Variants in GRM8 observed in about 807,000 individuals in gnomAD.
GRM8 encodes glutamate metabotropic receptor 8.
Under a neutral mutation model 87.2 loss-of-function variants are expected in GRM8, and 47 were observed. The ratio of observed to expected loss-of-function variants is 0.54; its 90% CI spans 0.43 to 0.69. The LOEUF (loss-of-function observed/expected upper bound fraction) is 0.69, where lower values mean the gene tolerates loss of function less well. GRM8 is among the 30% of genes least tolerant of loss of function. The pLI is 0.00. For synonymous variants in GRM8, 396 were observed against 404.5 expected, an observed-to-expected ratio of 0.98 and a Z score of 0.25; for missense variants, 1,019 against 1,139.2, an observed-to-expected ratio of 0.89 and a Z score of 1.52.
chr7:127,074,141 T>A (rs1822020066), intron 3 of GRM8, among the ~76,000 whole-genome samples: 1 of 152,204 alleles, frequency 6.6e-6, no homozygotes, highest in Non-Finnish European at 1.5e-5. Flanking sequence ...CCTGAATTAA[T>A]CTGATATTCC....
intron 6 of GRM8, among the ~76,000 whole-genome samples, chr7:126,861,713 T>C (rs1798154559): frequency 1.3e-5 from 2 of 152,180 alleles, no homozygotes; most frequent in Non-Finnish European, 2.9e-5. Flanking sequence ...AAACTCCTTG[T>C]TCCCATTCTT....
chr7:126,709,141 C>CA (rs1234902174), intron 7 of GRM8, among the ~76,000 whole-genome samples: 6 of 151,592 alleles, frequency 4.0e-5, no homozygotes, highest in Non-Finnish European at 8.8e-5. Flanking sequence ...GACGTATTTC[C>CA]AAAGAAAATA....
chr7:126,667,023 G>A (rs1254809714), intron 7 of GRM8, among the ~76,000 whole-genome samples: 1 of 152,018 alleles, frequency 6.6e-6, no homozygotes, highest in Non-Finnish European at 1.5e-5. Flanking sequence ...CTCAAGGTTT[G>A]GAGTAAAGGA....
At chr7:126,546,080 G>A (rs117890525) in intron 8 of GRM8, among the ~76,000 whole-genome samples, 3 of 152,050 alleles carry the variant, frequency 2.0e-5, no homozygotes, top group African/African-American at 7.3e-5. Flanking sequence ...ATTTTCAGTG[G>A]CAAGCTATTT....
intron 3 of GRM8, among the ~76,000 whole-genome samples, chr7:127,099,169 A>T (rs907784442): frequency 2.0e-5 from 3 of 152,222 alleles, no homozygotes; most frequent in African/African-American, 7.2e-5. Context: ...ATGAGTGAAT[A>T]TTATTAACTC....
intron 8 of GRM8, among the ~76,000 whole-genome samples, chr7:126,607,381 G>A (rs1798463251): frequency 1.3e-5 from 2 of 152,198 alleles, no homozygotes; most frequent in African/African-American, 2.4e-5. Flanking sequence ...ATTTCTCATC[G>A]TCTAATTTTC....
At chr7:126,833,942 A>G (rs904736737) in intron 6 of GRM8, among the ~76,000 whole-genome samples, 2 of 152,150 alleles carry the variant, frequency 1.3e-5, no homozygotes, top group Admixed American at 6.5e-5. Flanking sequence ...TTCTGATGTA[A>G]GGGTCCACTG....
At chr7:127,171,274 T>A (rs554698795) in intron 2 of GRM8, among the ~76,000 whole-genome samples, 15 of 152,302 alleles carry the variant, frequency 9.8e-5, no homozygotes, top group African/African-American at 3.6e-4. Flanking sequence ...ATAGAATCTA[T>A]TCCTGGTGAA....
chr7:126,670,301 A>T (rs1806244609), intron 7 of GRM8, among the ~76,000 whole-genome samples: 2 of 152,124 alleles, frequency 1.3e-5, no homozygotes, highest in South Asian at 4.1e-4. Context: ...AAAAAGGATT[A>T]TTTGACATGT....
At chr7:126,466,757 G>T (rs1804546721) in intron 9 of GRM8, among the ~76,000 whole-genome samples, 1 of 151,868 alleles carries the variant, frequency 6.6e-6, no homozygotes. Flanking sequence ...GCCATCAATG[G>T]ATTGGATGAT....
rs1281966476 is a variant in GRM8 at position 126,828,582 on chromosome 7, A to G, written c.1157-58517T>C. ...TATCCCCTTTATCATTTTTTATTGC[A>G]TCTATTTGATTCTTCTTTTTTTCTT... On this transcript the variant is annotated intron_variant, in intron 6 of 10. Transcript: ENST00000339582. Among the ~76,000 whole-genome samples the G allele has an allele frequency of 2.0e-5, 3 of 151,866 alleles. No homozygotes were observed. In the East Asian group the frequency reaches 5.8e-4, roughly 29 times the overall value.
intron 8 of GRM8, among the ~76,000 whole-genome samples, chr7:126,551,771 C>T (rs763843535): frequency 3.9e-5 from 6 of 151,984 alleles, no homozygotes; most frequent in African/African-American, 9.7e-5. Flanking sequence ...ACAAAGGGAA[C>T]GTAGCTAGCT....
At chr7:126,697,395 T>C (rs921644667) in intron 7 of GRM8, among the ~76,000 whole-genome samples, 13 of 152,164 alleles carry the variant, frequency 8.5e-5, no homozygotes, top group African/African-American at 1.7e-4. Context: ...TTTTAGGTGC[T>C]GTTACCACCA....
intron 8 of GRM8, among the ~76,000 whole-genome samples, chr7:126,592,100 C>G (rs1418232959): frequency 2.0e-5 from 3 of 150,306 alleles, no homozygotes; most frequent in Non-Finnish European, 4.4e-5. Context: ...AACACATAAA[C>G]AGACCAATAA....
intron 9 of GRM8, among the ~76,000 whole-genome samples, chr7:126,526,825 T>C (rs1193834481): frequency 6.6e-6 from 1 of 152,232 alleles, no homozygotes; most frequent in Non-Finnish European, 1.5e-5. Flanking sequence ...GAGAATTCCA[T>C]GCTTCCTCTG....
At chr7:126,996,476 TA>T (rs1813186053) in intron 3 of GRM8, among the ~76,000 whole-genome samples, 2 of 151,946 alleles carry the variant, frequency 1.3e-5, no homozygotes, top group African/African-American at 4.8e-5. Flanking sequence ...GTAAATGAAC[TA>T]AACTCTGTAA....
At chr7:126,539,551 AATG>A (rs1816295979) in intron 8 of GRM8, among the ~76,000 whole-genome samples, 1 of 152,082 alleles carries the variant, frequency 6.6e-6, no homozygotes, top group African/African-American at 2.4e-5. Flanking sequence ...TATTACAAAG[AATG>A]TCATAATCAA....
intron 2 of GRM8, among the ~76,000 whole-genome samples, chr7:127,157,748 C>T (rs1343522602): frequency 6.6e-6 from 1 of 152,020 alleles, no homozygotes; most frequent in Non-Finnish European, 1.5e-5. Context: ...AAGTAGAAAA[C>T]AAAGCAAGAT....
intron 6 of GRM8, among the ~76,000 whole-genome samples, chr7:126,808,303 A>G (rs1396479783): frequency 6.6e-6 from 1 of 152,136 alleles, no homozygotes; most frequent in Non-Finnish European, 1.5e-5. Context: ...CTGACCCATC[A>G]CCTACCGAAA....
Sources: gnomAD v4.1 joint callset for allele counts (sites outside exome capture counted in the v4.1 genomes callset) on GRCh38, gnomAD v4.1.1 for gene constraint, MANE v1.5 for transcripts, NCBI Gene and HGNC (gene_info 2026-07-23, HGNC 2026-07-21) for gene names.